The following HCN1 variants were observed in gnomAD, a reference collection of about 807,000 sequenced individuals.
HCN1 encodes the protein potassium/sodium hyperpolarization-activated cyclic nucleotide-gated channel 1.
Under a neutral mutation model 78.9 loss-of-function variants are expected in HCN1, and 13 were observed. The observed-to-expected ratio is 0.16, with a 90% CI of 0.11 to 0.26. HCN1 has a LOEUF of 0.26. Ranked by LOEUF, HCN1 falls within the 10% of genes least tolerant of loss-of-function variation. The pLI is 1.00. For missense variants in HCN1, 810 were observed against 1,154.3 expected, an observed-to-expected ratio of 0.70 and a Z score of 4.32; for synonymous variants, 552 against 455.5, an observed-to-expected ratio of 1.21 and a Z score of -2.70.
chr5:45,320,556 G>T (rs904232485), intron 5 of HCN1, among the ~76,000 whole-genome samples: 4 of 151,780 alleles, frequency 2.6e-5, no homozygotes, highest in Non-Finnish European at 5.9e-5. Flanking sequence ...TATATAGTCT[G>T]CCAGTAACCA....
At chr5:45,331,506 ATTGT>A (rs1179636281) in intron 5 of HCN1, among the ~76,000 whole-genome samples, 7 of 151,394 alleles carry the variant, frequency 4.6e-5, no homozygotes, top group African/African-American at 1.7e-4. Flanking sequence ...TTTATCTAAT[ATTGT>A]TTATTTCATT....
At chr5:45,349,921 T>A (rs1272874592) in intron 5 of HCN1, among the ~76,000 whole-genome samples, 1 of 152,150 alleles carries the variant, frequency 6.6e-6, no homozygotes, top group Non-Finnish European at 1.5e-5. Flanking sequence ...CCAGATGGAT[T>A]CACAGCCGAA....
At chr5:45,329,941 T>C (rs757792264) in intron 5 of HCN1, among the ~76,000 whole-genome samples, 3 of 151,314 alleles carry the variant, frequency 2.0e-5, no homozygotes, top group Non-Finnish European at 4.4e-5. Context: ...TCAAGGAGAT[T>C]CCAGATAGGA....
chr5:45,493,225 C>A (rs1043703791), intron 2 of HCN1, among the ~76,000 whole-genome samples: 3 of 151,744 alleles, frequency 2.0e-5, no homozygotes, highest in Non-Finnish European at 2.9e-5. Flanking sequence ...GACAAATCTG[C>A]AATGACATAT....
At chr5:45,500,451 A>C (rs1742165169) in intron 2 of HCN1, among the ~76,000 whole-genome samples, 1 of 152,222 alleles carries the variant, frequency 6.6e-6, no homozygotes, top group African/African-American at 2.4e-5. Flanking sequence ...CATAGAAACA[A>C]GTGATACTTA....
At chr5:45,516,945 T>A (rs2111769973) in intron 2 of HCN1, among the ~76,000 whole-genome samples, 1 of 152,100 alleles carries the variant, frequency 6.6e-6, no homozygotes, top group South Asian at 2.1e-4. Flanking sequence ...TCTGCTAAGT[T>A]TCTCAGGATA....
chr5:45,608,257 A>C (rs1744762236), intron 2 of HCN1, among the ~76,000 whole-genome samples: 1 of 152,026 alleles, frequency 6.6e-6, no homozygotes, highest in Non-Finnish European at 1.5e-5. Flanking sequence ...CATGTTCATA[A>C]CTAAGAAAAT....
chr5:45,557,850 C>T (rs1016752829), intron 2 of HCN1: 5 of 152,052 alleles, frequency 3.3e-5, no homozygotes, highest in African/African-American at 1.2e-4. Context: ...TCATTTCTCT[C>T]CCTCTGATTG....
At chr5:45,289,467 T>A (rs1342241035) in intron 6 of HCN1, among the ~76,000 whole-genome samples, 1 of 152,088 alleles carries the variant, frequency 6.6e-6, no homozygotes, top group Non-Finnish European at 1.5e-5. Context: ...TGGAGCATTA[T>A]AATAATCCCT....
At chr5:45,476,174 A>ACT (rs995457930) in intron 2 of HCN1, among the ~76,000 whole-genome samples, 4 of 151,488 alleles carry the variant, frequency 2.6e-5, no homozygotes, top group African/African-American at 4.8e-5. Context: ...TCTCTCTTTC[A>ACT]CTCTCTCTCT....
intron 2 of HCN1, among the ~76,000 whole-genome samples, chr5:45,613,678 G>A (rs1744887300): frequency 6.6e-6 from 1 of 151,760 alleles, no homozygotes; most frequent in Admixed American, 6.6e-5. Flanking sequence ...TGTTTATTGT[G>A]GCATTATTCA....
Position 45,357,709 on chromosome 5 carries a change from T to C in HCN1, c.1231-4463A>G, listed in dbSNP as rs142077110. On this transcript the variant is annotated intron_variant, in intron 4 of 7. Transcript: ENST00000303230. ...TTTCCCTATGTGTGTATGTTAGGAG[T>C]AGGGATCATGTTACAAAGCAGACTG... 7.0e-4 allele frequency among the ~76,000 whole-genome samples: 107 copies of C among 152,018 alleles called. No homozygotes were observed. In the East Asian group the frequency reaches 0.019, roughly 28 times the overall value.
In HCN1 at chr5:45,367,905, G is replaced by C. The variant is rs77925919; in HGVS notation, c.1231-14659C>G. On this transcript the variant is annotated intron_variant, in intron 4 of 7. Coordinates refer to ENST00000303230, the MANE Select transcript of HCN1 (RefSeq NM_021072.4). The stretch of plus-strand genomic sequence containing the variant: ...GTGGTTTCAGATAAAATGAGGGTGA[G>C]TCAAGATAAATGTGTTATCAGGCAG... 5.1e-4 allele frequency among the ~76,000 whole-genome samples: 77 copies of C among 151,924 alleles called. 1 individual carries two copies. The East Asian group carries it at 0.015, about 29-fold the overall frequency.
At chr5:45,616,778 G>T (rs549211445) in intron 2 of HCN1, among the ~76,000 whole-genome samples, 1 of 151,876 alleles carries the variant, frequency 6.6e-6, no homozygotes, top group Non-Finnish European at 1.5e-5. Flanking sequence ...AATAGGAAAA[G>T]AAAATAGGAA....
chr5:45,686,480 G>A (rs1210028775), intron 1 of HCN1, among the ~76,000 whole-genome samples: 1 of 151,982 alleles, frequency 6.6e-6, no homozygotes, highest in Non-Finnish European at 1.5e-5. Context: ...CGTTTCTCCT[G>A]CCCTCCCACC....
At chr5:45,468,284 A>AT (rs1741319985) in intron 2 of HCN1, among the ~76,000 whole-genome samples, 1 of 152,176 alleles carries the variant, frequency 6.6e-6, no homozygotes, top group Non-Finnish European at 1.5e-5. Flanking sequence ...AGTACTTTTC[A>AT]TAACAACGAT....
chr5:45,298,222 T>C (rs561971440), intron 6 of HCN1, among the ~76,000 whole-genome samples: 1 of 152,040 alleles, frequency 6.6e-6, no homozygotes, highest in East Asian at 1.9e-4. Context: ...TTGGTTGATG[T>C]ATAAATGATT....
chr5:45,680,737 T>C (rs1739687043), intron 1 of HCN1, among the ~76,000 whole-genome samples: 1 of 152,130 alleles, frequency 6.6e-6, no homozygotes, highest in African/African-American at 2.4e-5. Flanking sequence ...TCTTCCTTTT[T>C]CCCCTTCCTT....
rs552524134 is a variant in HCN1 at position 45,664,762 on chromosome 5, C to G, written c.426-19154G>C. On this transcript the variant is annotated intron_variant, in intron 1 of 7. Coordinates refer to ENST00000303230, the MANE Select transcript of HCN1 (RefSeq NM_021072.4). The stretch of plus-strand genomic sequence containing the variant: ...AACCACACTGAGATACCATCTCACA[C>G]TAGTTAGAATGGCAATCATTAAAAA... Among the ~76,000 whole-genome samples the G allele has an allele frequency of 5.9e-4, 90 of 152,056 alleles. 2 individuals carry two copies. The East Asian group carries it at 0.014, about 23-fold the overall frequency.
Sources: gnomAD v4.1 joint callset for allele counts (sites outside exome capture counted in the v4.1 genomes callset) on GRCh38, gnomAD v4.1.1 for gene constraint, MANE v1.5 for transcripts, NCBI Gene and HGNC (gene_info 2026-07-23, HGNC 2026-07-21) for gene names.